The following ITGB3 variants were observed in gnomAD, a reference collection of about 807,000 sequenced individuals.
ITGB3 encodes integrin subunit beta 3.
ITGB3 carries 48 observed loss-of-function variants against 85.8 expected under a neutral mutation model. The ratio of observed to expected loss-of-function variants is 0.56; its 90% CI spans 0.44 to 0.71. The LOEUF (loss-of-function observed/expected upper bound fraction) is 0.71, where lower values mean the gene tolerates loss of function less well. ITGB3 is among the 30% of genes least tolerant of loss of function. The pLI is 0.00. For synonymous variants in ITGB3, 363 were observed against 395.6 expected (o/e 0.92, Z 0.98); for missense variants, 861 against 1,019.1 (o/e 0.84, Z 2.11).
Position 47,287,091 on chromosome 17 carries a change from G to T in ITGB3, c.799G>T (p.Asp267Tyr). 2 of 1,614,084 alleles carry T rather than the reference G, an allele frequency of 1.2e-6. No individual in the cohort carries two copies. The highest frequency in any genetic ancestry group is 1.7e-6 in the Non-Finnish European group (2 of 1,179,990). ...VCDEKIGWRN[D>Y]ASHLLVFTTD... ...ACAGGAAAAGATTGGCTGGAGGAAT[G>T]ATGCATCCCACTTGCTGGTGTTTAC... The change falls in exon 6 of 15, where the codon GAT becomes TAT. Residue 267 changes from aspartate (D) to tyrosine (Y), a missense_variant. By Grantham distance (160) the Asp-to-Tyr change is radical (BLOSUM62 -3). Transcript: ENST00000559488.
Position 47,283,392 on chromosome 17 carries a change from G to GA in ITGB3, c.206dup (p.Asn69LysfsTer6), listed in dbSNP as rs764129001. The GA allele has an allele frequency of 1.2e-6, 2 of 1,614,234 alleles. No individual in the cohort carries two copies. The highest frequency in any genetic ancestry group is 1.7e-6 in the Non-Finnish European group (2 of 1,180,048). ...GCTCACCTCGCTGTGACCTGAAGGA[G>GA]AATCTGCTGAAGGATAACTGTGCCC... On this transcript the variant is annotated frameshift_variant, in exon 3 of 15. Coordinates refer to ENST00000559488, the MANE Select transcript of ITGB3 (RefSeq NM_000212.3). LOFTEE classifies it high-confidence loss of function.
chr17:47,286,327 C>T lies in ITGB3; in HGVS notation c.682C>T (p.Arg228Cys), dbSNP rs763708273. 2.3e-5 allele frequency: 37 copies of T among 1,614,054 alleles called. No homozygotes were observed. The highest frequency in any genetic ancestry group is 5.5e-5 in the South Asian group (5 of 91,078). ...GCTGACGCTAACTGACCAGGTGACC[C>T]GCTTCAATGAGGAAGTGAAGAAGCA... ...HVLTLTDQVT[R>C]FNEEVKKQSV... Residue 228 changes from arginine (R) to cysteine (C), a missense_variant, in exon 5 of 15, where the codon CGC (arginine) becomes TGC (cysteine). Physicochemically the swap from Arg to Cys is radical, Grantham distance 180. Coordinates refer to ENST00000559488, the MANE Select transcript of ITGB3 (RefSeq NM_000212.3).
intron 4 of ITGB3, among the ~76,000 whole-genome samples, chr17:47,285,180 T>C (rs2065098186): frequency 6.6e-6 from 1 of 152,260 alleles, no homozygotes; most frequent in African/African-American, 2.4e-5. Flanking sequence ...AATGGATAAC[T>C]TGTGCCTCTG....
intron 1 of ITGB3, among the ~76,000 whole-genome samples, chr17:47,254,464 T>C (rs1166002146): frequency 3.9e-5 from 6 of 152,204 alleles, no homozygotes; most frequent in Non-Finnish European, 5.9e-5. Flanking sequence ...GGTTTTTTCT[T>C]TTCCTTTTTT....
chr17:47,299,907 CCACT>C lies in ITGB3; in HGVS notation c.1913+378_1913+381del, dbSNP rs200671796. ...ACTCTGTGAAACTACTACAAACCTC[CCACT>C]TTAGGGGCCAGAGGAAGCCCCATCA... On this transcript the variant is annotated intron_variant, in intron 11 of 14. Coordinates refer to ENST00000559488, the MANE Select transcript of ITGB3 (RefSeq NM_000212.3). This position sits in a 1 kb window ranked among gnomAD's most constrained non-coding sequence, Gnocchi z 5.1. Among the ~76,000 whole-genome samples the C allele has an allele frequency of 0.017, 2,657 of 152,276 alleles. 70 individuals carry two copies. Among genetic ancestry groups the C allele is most frequent in the African/African-American group, 0.061 (2,541 of 41,558 alleles).
At chr17:47,262,327 C>T (rs1380770726) in intron 1 of ITGB3, among the ~76,000 whole-genome samples, 1 of 152,124 alleles carries the variant, frequency 6.6e-6, no homozygotes, top group Non-Finnish European at 1.5e-5. Context: ...GGCTGAGCCT[C>T]GGACAGCTTG....
At chr17:47,268,185 AT>A (rs949047388) in intron 1 of ITGB3, among the ~76,000 whole-genome samples, 4 of 152,106 alleles carry the variant, frequency 2.6e-5, no homozygotes, top group African/African-American at 9.7e-5. Context: ...ACACATGGGG[AT>A]TGTGGGAACT....
intron 12 of ITGB3, 46 bp downstream of exon 12, chr17:47,300,624 G>A: frequency 7.1e-7 from 1 of 1,418,270 alleles, no homozygotes; most frequent in Non-Finnish European, 9.9e-7. Context: ...GGTTCTAAAT[G>A]TTTCTAATTC....
intron 1 of ITGB3, among the ~76,000 whole-genome samples, chr17:47,262,417 G>A (rs911845513): frequency 4.6e-5 from 7 of 152,158 alleles, no homozygotes; most frequent in Admixed American, 1.3e-4. Context: ...GAGATGCAGC[G>A]TTTGAGTCAA....
At chr17:47,270,164 A>G (rs1797585533) in intron 1 of ITGB3, among the ~76,000 whole-genome samples, 1 of 152,186 alleles carries the variant, frequency 6.6e-6, no homozygotes, top group Non-Finnish European at 1.5e-5. Context: ...TATGGGTACT[A>G]CAGTTCAAGA....
At chr17:47,283,628 C>A in intron 3 of ITGB3, 79 bp downstream of exon 3, 1 of 1,379,832 alleles carries the variant, frequency 7.2e-7, no homozygotes. Context: ...AGGAGGAAGT[C>A]TTGGGGAAGT....
In ITGB3 at chr17:47,299,277, G is replaced by A. The variant is rs752635063; in HGVS notation, c.1691-31G>A. On this transcript the variant is annotated intron_variant, in intron 10 of 14. Transcript: ENST00000559488. The surrounding 1 kb of genome is among the most constrained non-coding windows in gnomAD (Gnocchi z 5.1). ...CCATGGGAGTGGAGCTCTCGCCAGCGGGTCCACCTTCCTGGGCTGTGTGTT... is the reference window on the plus strand; with the variant it reads ...CCATGGGAGTGGAGCTCTCGCCAGCAGGTCCACCTTCCTGGGCTGTGTGTT... 40 of 1,603,760 alleles carry A rather than the reference G, an allele frequency of 2.5e-5. 1 individual carries two copies. The South Asian group carries it at 3.3e-4, about 13-fold the overall frequency.
intron 2 of ITGB3, among the ~76,000 whole-genome samples, 171 bp from the exon 3 acceptor site, chr17:47,283,183 C>T (rs954311909): frequency 3.3e-5 from 5 of 152,060 alleles, no homozygotes; most frequent in Admixed American, 2.6e-4. Flanking sequence ...TCAATTTCCC[C>T]TTTCTGTACA....
chr17:47,272,663 ATCTT>A (rs141272164), intron 1 of ITGB3, among the ~76,000 whole-genome samples: 19 of 148,310 alleles, frequency 1.3e-4, no homozygotes, highest in Admixed American at 8.7e-4. Context: ...ATTTTATGTA[ATCTT>A]TCTTTCTTTC....
In ITGB3 at chr17:47,283,536, C is replaced by T. The variant is rs543023015; in HGVS notation, c.348C>T (p.Leu116=). The change falls in exon 3 of 15, where the codon CTC becomes CTT. Residue 116 remains leucine, a synonymous_variant. Coordinates refer to ENST00000559488, the MANE Select transcript of ITGB3 (RefSeq NM_000212.3). ...AAGTCAGTCCCCAGAGGATTGCACTCCGGCTCCGGCCAGGTAGGGCTGGGA... is the reference window on the plus strand; with the variant it reads ...AAGTCAGTCCCCAGAGGATTGCACTTCGGCTCCGGCCAGGTAGGGCTGGGA... The part of the protein sequence containing the change: ...VTQVSPQRIA[L]RLRPDDSKNF... 1.2e-6 allele frequency: 2 copies of T among 1,614,196 alleles called. No homozygotes were observed. Among genetic ancestry groups the T allele is most frequent in the South Asian group, 2.2e-5 (2 of 91,084 alleles).
intron 9 of ITGB3, chr17:47,291,330 C>G (rs1251826919): frequency 3.3e-6 from 2 of 605,928 alleles, no homozygotes; most frequent in Non-Finnish European, 5.8e-6. Flanking sequence ...ATTTGAAAAA[C>G]TTACAATTTG....
chr17:47,270,864 C>A (rs1447476849), intron 1 of ITGB3, among the ~76,000 whole-genome samples: 1 of 152,148 alleles, frequency 6.6e-6, no homozygotes, highest in African/African-American at 2.4e-5. Context: ...TTTGGGAGAA[C>A]AATGAAAGTT....
chr17:47,284,022 T>C (rs1458818525), intron 3 of ITGB3, among the ~76,000 whole-genome samples: 1 of 152,248 alleles, frequency 6.6e-6, no homozygotes, highest in South Asian at 2.1e-4. Context: ...GACAGAAATT[T>C]TGAAGCATTG....
intron 14 of ITGB3, among the ~76,000 whole-genome samples, chr17:47,308,588 G>A (rs764007240): frequency 6.6e-6 from 1 of 151,836 alleles, no homozygotes; most frequent in Non-Finnish European, 1.5e-5. Context: ...CTGCAACCTT[G>A]GCCTCTCAGG....
Sources: gnomAD v4.1 joint callset for allele counts (sites outside exome capture counted in the v4.1 genomes callset) on GRCh38, gnomAD v4.1.1 for gene constraint, Gnocchi (gnomAD v3.1) non-coding constraint, MANE v1.5 for transcripts, NCBI Gene and HGNC (gene_info 2026-07-23, HGNC 2026-07-21) for gene names.